PTPRT: variants seen among roughly 807,000 people sequenced by gnomAD.
The protein encoded by PTPRT is receptor-type tyrosine-protein phosphatase T.
In PTPRT, 56 loss-of-function variants were observed where a neutral mutation model predicts 176.8. The observed-to-expected ratio is 0.32, with a 90% CI of 0.26 to 0.40. PTPRT has a LOEUF of 0.40. PTPRT is among the 10% of genes least tolerant of loss of function. PTPRT has a pLI of 1.00. For missense variants in PTPRT, 1,540 were observed against 1,908.2 expected, an observed-to-expected ratio of 0.81 and a Z score of 3.60; for synonymous variants, 783 against 739.0, an observed-to-expected ratio of 1.06 and a Z score of -0.96.
At chr20:42,473,338 A>G (rs2071232085) in intron 7 of PTPRT, among the ~76,000 whole-genome samples, 1 of 152,176 alleles carries the variant, frequency 6.6e-6, no homozygotes, top group East Asian at 1.9e-4. Flanking sequence ...TTTTATTAGG[A>G]ATATTCTATT....
intron 1 of PTPRT, among the ~76,000 whole-genome samples, chr20:43,118,611 T>C (rs1427239352): frequency 6.6e-6 from 1 of 152,186 alleles, no homozygotes; most frequent in Non-Finnish European, 1.5e-5. Context: ...GGCTAATTTT[T>C]GTATTTTTAG....
chr20:42,894,439 C>A (rs1023254555), intron 1 of PTPRT, among the ~76,000 whole-genome samples: 1 of 152,028 alleles, frequency 6.6e-6, no homozygotes, highest in South Asian at 2.1e-4. Flanking sequence ...CCAGTAGTAA[C>A]TCATTTAATT....
chr20:42,622,391 G>A (rs1010563491), intron 7 of PTPRT, among the ~76,000 whole-genome samples: 5 of 151,952 alleles, frequency 3.3e-5, no homozygotes, highest in Admixed American at 6.6e-5. Flanking sequence ...ACAGGCACCC[G>A]CCAACATGCC....
chr20:42,942,139 T>A (rs1170375605), intron 1 of PTPRT, among the ~76,000 whole-genome samples: 1 of 152,150 alleles, frequency 6.6e-6, no homozygotes, highest in Non-Finnish European at 1.5e-5. Flanking sequence ...TGCTGTCCTG[T>A]GAAGTCCACT....
At chr20:42,706,927 G>A (rs1326891143) in intron 6 of PTPRT, among the ~76,000 whole-genome samples, 2 of 152,188 alleles carry the variant, frequency 1.3e-5, no homozygotes, top group African/African-American at 2.4e-5. Flanking sequence ...AATTTGGCTG[G>A]TGTCTTTATA....
At chr20:43,141,800 G>C (rs1429065977) in intron 1 of PTPRT, among the ~76,000 whole-genome samples, 1 of 152,104 alleles carries the variant, frequency 6.6e-6, no homozygotes, top group Non-Finnish European at 1.5e-5. Context: ...TTTATTCCCA[G>C]AACAGTTTCT....
chr20:42,204,782 C>T (rs756281264), intron 15 of PTPRT, among the ~76,000 whole-genome samples: 8 of 151,794 alleles, frequency 5.3e-5, no homozygotes, highest in African/African-American at 1.5e-4. Flanking sequence ...GAATGGCTCA[C>T]GGGAGAGGAA....
intron 6 of PTPRT, among the ~76,000 whole-genome samples, chr20:42,700,421 C>T (rs1393634687): frequency 2.6e-5 from 4 of 152,088 alleles, no homozygotes; most frequent in Admixed American, 2.0e-4. Flanking sequence ...GAAACAGACG[C>T]AGAGCGCCTC....
chr20:42,362,410 G>GAA (rs36102289), intron 9 of PTPRT, among the ~76,000 whole-genome samples: 3 of 147,722 alleles, frequency 2.0e-5, no homozygotes, highest in Admixed American at 6.8e-5. Flanking sequence ...ACATCAGAAA[G>GAA]AAAAAAAAAA....
intron 7 of PTPRT, among the ~76,000 whole-genome samples, chr20:42,668,223 A>C (rs1272009952): frequency 6.6e-6 from 1 of 152,240 alleles, no homozygotes; most frequent in Non-Finnish European, 1.5e-5. Flanking sequence ...ATCTTCTAGG[A>C]GGCCCTGGCT....
chr20:42,844,989 G>A (rs2078343809), intron 2 of PTPRT, among the ~76,000 whole-genome samples: 1 of 152,168 alleles, frequency 6.6e-6, no homozygotes, highest in Non-Finnish European at 1.5e-5. Context: ...TCTGGGAGTG[G>A]CTAGTGCTTT....
intron 1 of PTPRT, among the ~76,000 whole-genome samples, chr20:42,943,564 ATGCAAATCAGGCACAG>A (rs1333467676): frequency 6.6e-6 from 1 of 152,112 alleles, no homozygotes; most frequent in African/African-American, 2.4e-5. Flanking sequence ...CTCTGGAATG[ATGCAAATCAGGCACAG>A]GGATGAGGAA....
chr20:42,343,514 T>C (rs1391756354), intron 11 of PTPRT, among the ~76,000 whole-genome samples: 1 of 152,246 alleles, frequency 6.6e-6, no homozygotes, highest in Admixed American at 6.5e-5. Flanking sequence ...ACAATGTAAC[T>C]GTCTCCCAAG....
chr20:42,082,100 A>C, intron 29 of PTPRT, 83 bp from the exon 30 acceptor site: 1 of 1,588,818 alleles, frequency 6.3e-7, no homozygotes, highest in Non-Finnish European at 8.6e-7. Flanking sequence ...CAGTAGGAGT[A>C]GGGATCAGCT....
chr20:42,293,508 T>G (rs1351720715), intron 12 of PTPRT, among the ~76,000 whole-genome samples: 1 of 152,198 alleles, frequency 6.6e-6, no homozygotes, highest in East Asian at 1.9e-4. Context: ...TTCAACACAC[T>G]GGAGTGACCT....
At chr20:42,552,818 A>T (rs73102460) in intron 7 of PTPRT, among the ~76,000 whole-genome samples, 7,026 of 152,256 alleles carry the variant, frequency 0.046, 223 homozygotes, top group African/African-American at 0.093. Context: ...GAAGAAATAC[A>T]AGTAGCCAGG....
Position 42,975,941 on chromosome 20 carries a change from G to C in PTPRT, c.89-90009C>G, listed in dbSNP as rs1270606235. Among the ~76,000 whole-genome samples the C allele has an allele frequency of 2.0e-5, 3 of 150,086 alleles. No homozygotes were observed. In the East Asian group the frequency reaches 5.9e-4, roughly 29 times the overall value. On this transcript the variant is annotated intron_variant, in intron 1 of 30. Transcript: ENST00000373187. ...ACCCCCCCACCAAAAAAAAAAAAGA[G>C]AGAACATCTTAGATAGGGTCATGAA...
chr20:42,189,893 T>C (rs577060070), intron 16 of PTPRT, among the ~76,000 whole-genome samples: 1 of 152,224 alleles, frequency 6.6e-6, no homozygotes, highest in Non-Finnish European at 1.5e-5. Flanking sequence ...AATATTCTTC[T>C]CTAAAACTTG....
At chr20:42,709,405 G>A (rs1289929630) in intron 6 of PTPRT, among the ~76,000 whole-genome samples, 1 of 152,152 alleles carries the variant, frequency 6.6e-6, no homozygotes, top group African/African-American at 2.4e-5. Flanking sequence ...TTATTTAAAA[G>A]AGCCTAGGAC....
Sources: allele counts gnomAD v4.1 joint callset (sites outside exome capture counted in the v4.1 genomes callset), GRCh38; gene constraint gnomAD v4.1.1; transcripts MANE v1.5; gene names NCBI Gene and HGNC (gene_info 2026-07-23, HGNC 2026-07-21).